TTC34: variants seen among roughly 807,000 people sequenced by gnomAD.
TTC34 encodes the protein tetratricopeptide repeat protein 34.
TTC34 carries 44 observed loss-of-function variants against 40.7 expected under a neutral mutation model. That is an observed-to-expected ratio of 1.08 (90% CI 0.85 to 1.39). TTC34 has a LOEUF of 1.39. Ranked by LOEUF, TTC34 falls within the 40% of genes most tolerant of loss-of-function variation. The pLI, the probability that TTC34 is intolerant of heterozygous loss-of-function variation, is 0.00. For missense variants in TTC34, 884 were observed against 838.0 expected (o/e 1.05, Z -0.68); for synonymous variants, 422 against 398.6 (o/e 1.06, Z -0.70).
intron 6 of TTC34, among the ~76,000 whole-genome samples, chr1:2,782,337 G>T (rs990864787): frequency 6.6e-5 from 10 of 152,040 alleles, no homozygotes; most frequent in African/African-American, 2.4e-4. Flanking sequence ...CTGTAGAATT[G>T]GTAATAACCT....
chr1:2,759,883 T>G (rs1341670437), intron 6 of TTC34, among the ~76,000 whole-genome samples: 6 of 62,612 alleles, frequency 9.6e-5, no homozygotes, highest in Admixed American at 1.4e-4. Context: ...TCCTGCACCC[T>G]CAGGTGAGCA....
intron 6 of TTC34, among the ~76,000 whole-genome samples, chr1:2,754,269 C>T (rs1641424557): frequency 1.8e-5 from 1 of 56,088 alleles, no homozygotes; most frequent in East Asian, 4.4e-4. Context: ...CCCAGGTGAG[C>T]CTCTGACAGC....
intron 2 of TTC34, among the ~76,000 whole-genome samples, chr1:2,791,052 G>T (rs1643657146): frequency 6.6e-6 from 1 of 152,340 alleles, no homozygotes; most frequent in East Asian, 1.9e-4. Context: ...TCCAGTGCCT[G>T]GAAGGGGCCT....
At chr1:2,754,147 C>A (rs1232360538) in intron 6 of TTC34, among the ~76,000 whole-genome samples, 16 of 10,978 alleles carry the variant, frequency 1.5e-3, no homozygotes, top group South Asian at 6.3e-3. Flanking sequence ...CCCCCAGGTG[C>A]GCATCTGATG....
chr1:2,641,371 C>T, exon 9 of TTC34: 1 of 1,507,420 alleles, frequency 6.6e-7, no homozygotes, highest in Non-Finnish European at 8.8e-7. Context: ...GGCCCAGTCA[C>T]TGTAGCCAGC....
chr1:2,754,838 A>G (rs1220838304), intron 6 of TTC34, among the ~76,000 whole-genome samples: 129 of 64,092 alleles, frequency 2.0e-3, no homozygotes, highest in African/African-American at 4.8e-3. Context: ...AGCATCTGAC[A>G]GACTGGAACA....
chr1:2,651,971 T>G (rs888278166), intron 6 of TTC34, among the ~76,000 whole-genome samples: 9 of 150,750 alleles, frequency 6.0e-5, no homozygotes, highest in African/African-American at 2.2e-4. Context: ...CACCTCTAAG[T>G]GAGCATCTGA....
In TTC34 at chr1:2,645,931, G is replaced by C. The variant is rs980678974; in HGVS notation, c.2227-368C>G. ...CCAGCTTGTAGCTGGCTCCCTCCAC[G>C]CCTGTCCCTCCCCACAGGGGCATCT... is the stretch of plus-strand genomic sequence containing the variant. On this transcript the variant is annotated intron_variant, in intron 6 of 8. Coordinates refer to ENST00000401095, the Ensembl canonical transcript of TTC34. This position sits in a 1 kb window ranked among gnomAD's most constrained non-coding sequence, Gnocchi z 4.7. Among the ~76,000 whole-genome samples the C allele has an allele frequency of 6.6e-6, 1 of 152,028 alleles. No individual in the cohort carries two copies. The highest frequency in any genetic ancestry group is 1.5e-5 in the Non-Finnish European group (1 of 68,004).
intron 5 of TTC34, among the ~76,000 whole-genome samples, chr1:2,784,118 A>G (rs1643538322): frequency 6.6e-6 from 1 of 152,046 alleles, no homozygotes; most frequent in Admixed American, 6.5e-5. Context: ...GCGCACTGAT[A>G]TTTACTGCAT....
intron 6 of TTC34, among the ~76,000 whole-genome samples, chr1:2,759,567 G>T: frequency 6.6e-6 from 1 of 151,798 alleles, no homozygotes; most frequent in African/African-American, 2.4e-5. Context: ...ACTCCCAGAC[G>T]AGCATCGGAC....
intron 6 of TTC34, among the ~76,000 whole-genome samples, chr1:2,688,593 C>T (rs573439256): frequency 7.3e-6 from 1 of 137,736 alleles, no homozygotes; most frequent in Admixed American, 7.2e-5. Context: ...ATCCGACAGC[C>T]TGGAGCAGCA....
chr1:2,694,515 G>C (rs866222661), intron 6 of TTC34, among the ~76,000 whole-genome samples: 1 of 101,452 alleles, frequency 9.9e-6, no homozygotes, highest in Non-Finnish European at 2.0e-5. Context: ...CACACCCCCA[G>C]GTGAACATCC....
chr1:2,787,398 CG>C (rs1175321000), intron 4 of TTC34, 82 bp downstream of exon 4: 71 of 1,299,090 alleles, frequency 5.5e-5, no homozygotes, highest in African/African-American at 7.5e-5. Context: ...TGGGGTCCAG[CG>C]CCAGGGCCAC....
intron 6 of TTC34, among the ~76,000 whole-genome samples, chr1:2,751,174 G>A (rs1641306759): frequency 8.4e-6 from 1 of 119,482 alleles, no homozygotes; most frequent in Admixed American, 8.6e-5. Context: ...ACATCCCCAG[G>A]CGAGCATCCG....
At chr1:2,641,420 C>T in exon 9 of TTC34, 1 of 1,532,728 alleles carries the variant, frequency 6.5e-7, no homozygotes. Context: ...GGCCTTCAGT[C>T]TCTTCAGGCC....
intron 2 of TTC34, among the ~76,000 whole-genome samples, chr1:2,799,262 G>A (rs141653352): frequency 1.8e-4 from 28 of 152,218 alleles, no homozygotes; most frequent in Admixed American, 7.2e-4. Context: ...CAGATCAGGC[G>A]CCGGGCGCGG....
intron 6 of TTC34, among the ~76,000 whole-genome samples, chr1:2,768,401 G>A (rs1396482135): frequency 1.3e-5 from 2 of 151,746 alleles, no homozygotes; most frequent in African/African-American, 2.4e-5. Context: ...ATGACAGCCC[G>A]GAACAACACC....
intron 6 of TTC34, among the ~76,000 whole-genome samples, chr1:2,690,337 T>C (rs1337307964): frequency 1.2e-3 from 124 of 104,440 alleles, no homozygotes; most frequent in Middle Eastern, 7.5e-3. Context: ...GCAGCACCCA[T>C]ACCCCCAGGC....
chr1:2,677,724 C>T (rs1263876659), intron 6 of TTC34, among the ~76,000 whole-genome samples: 106 of 121,568 alleles, frequency 8.7e-4, no homozygotes, highest in Middle Eastern at 4.4e-3. Flanking sequence ...TGGAACAGCA[C>T]CCTGCACCCC....
Sources: allele counts gnomAD v4.1 joint callset (sites outside exome capture counted in the v4.1 genomes callset), GRCh38; gene constraint gnomAD v4.1.1; non-coding constraint Gnocchi (gnomAD v3.1); transcripts MANE v1.5; gene names NCBI Gene and HGNC (gene_info 2026-07-23, HGNC 2026-07-21).